TTLL11: variants seen among roughly 807,000 people sequenced by gnomAD.
TTLL11 encodes tubulin polyglutamylase TTLL11.
TTLL11 carries 42 observed loss-of-function variants against 51.7 expected under a neutral mutation model. The ratio of observed to expected loss-of-function variants is 0.81; its 90% CI spans 0.64 to 1.05. The LOEUF is 1.05. TTLL11 is among the 50% of genes least tolerant of loss of function. TTLL11 has a pLI of 0.00. For missense variants in TTLL11, 799 were observed against 940.4 expected (o/e 0.85, Z 1.97); for synonymous variants, 381 against 383.5 (o/e 0.99, Z 0.08).
chr9:121,863,799 C>G (rs145213227), intron 7 of TTLL11, among the ~76,000 whole-genome samples: 1 of 152,206 alleles, frequency 6.6e-6, no homozygotes, highest in Non-Finnish European at 1.5e-5. Context: ...TTCAATGAAG[C>G]GTATGCTGAG....
At position 121,816,862 on chromosome 9, in the gene TTLL11, A is replaced by T. The variant is rs1476998053; in HGVS notation, c.*5725T>A. On this transcript the variant is annotated 3_prime_UTR_variant, in exon 9 of 9. Transcript: ENST00000321582. ...TCTCCAGGAACAGAAAAAAATTTAG[A>T]CTTATTTTGTGAGGGAGAAATTCAT... 6.6e-6 allele frequency: 1 copy of T among 152,132 alleles called. No homozygotes were observed. Among genetic ancestry groups the T allele is most frequent in the Non-Finnish European group, 1.5e-5 (1 of 68,016 alleles). The allele number at this position is 152,132 out of a possible 1,614,324, so 9.4% of individuals were successfully genotyped here.
intron 7 of TTLL11, among the ~76,000 whole-genome samples, chr9:121,863,956 C>A (rs927262070): frequency 3.9e-5 from 6 of 152,180 alleles, no homozygotes; most frequent in Non-Finnish European, 7.3e-5. Flanking sequence ...ATCAAGAAAC[C>A]AGGTCTCAGG....
rs140880613 is a variant in TTLL11, at chr9:122,054,558, G to A, written c.463-15190C>T. ...AGATTAGATACGAATTTAGCACTAT[G>A]TTCTTTTTCCACTTTCCAATTCATG... On this transcript the variant is annotated intron_variant, in intron 1 of 8. Coordinates refer to ENST00000321582, the MANE Select transcript of TTLL11 (RefSeq NM_001139442.2). Among the ~76,000 whole-genome samples the A allele has an allele frequency of 1.5e-3, 222 of 152,234 alleles. 1 individual carries two copies. Among genetic ancestry groups the A allele is most frequent in the African/African-American group, 5.0e-3 (206 of 41,546 alleles).
intron 6 of TTLL11, among the ~76,000 whole-genome samples, chr9:121,898,447 G>A (rs957475369): frequency 5.3e-5 from 8 of 152,278 alleles, no homozygotes; most frequent in African/African-American, 1.7e-4. Context: ...AGAGGTGGCT[G>A]AAGTGGAACA....
In TTLL11 at chr9:122,057,924, C is replaced by T. The variant is rs140002433; in HGVS notation, c.463-18556G>A. Among the ~76,000 whole-genome samples the T allele has an allele frequency of 3.4e-3, 513 of 152,304 alleles. 7 individuals are homozygous for T. Among genetic ancestry groups the T allele is most frequent in the African/African-American group, 0.012 (491 of 41,566 alleles). On this transcript the variant is annotated intron_variant, in intron 1 of 8. Transcript: ENST00000321582. Reference sequence around the variant, plus strand: ...TTATGCATCAACTCAGTGTCAGGCACTGAGGGGTTCAGAAAAGAATAAGGC... The same window carrying T: ...TTATGCATCAACTCAGTGTCAGGCATTGAGGGGTTCAGAAAAGAATAAGGC...
At chr9:121,962,559 A>G (rs367682478) in intron 6 of TTLL11, among the ~76,000 whole-genome samples, 6 of 152,336 alleles carry the variant, frequency 3.9e-5, no homozygotes, top group African/African-American at 1.4e-4. Flanking sequence ...TGACATTGCC[A>G]TTCTTGTATT....
chr9:121,917,748 G>A (rs985290819), intron 6 of TTLL11, among the ~76,000 whole-genome samples: 11 of 151,724 alleles, frequency 7.3e-5, no homozygotes, highest in East Asian at 3.9e-4. Flanking sequence ...ACCCAGTGGC[G>A]CAAGCATAAA....
chr9:121,892,133 T>C (rs1248368170), intron 6 of TTLL11, among the ~76,000 whole-genome samples: 2 of 146,894 alleles, frequency 1.4e-5, no homozygotes, highest in Non-Finnish European at 3.0e-5. Context: ...CTTCTACCTT[T>C]ATATATATAC....
intron 1 of TTLL11, among the ~76,000 whole-genome samples, chr9:122,087,707 T>C (rs1319634450): frequency 6.6e-6 from 1 of 152,172 alleles, no homozygotes; most frequent in Non-Finnish European, 1.5e-5. Flanking sequence ...TATGGTGTCT[T>C]TCCTCTAAGG....
chr9:122,066,927 T>C (rs1845599724), intron 1 of TTLL11, among the ~76,000 whole-genome samples: 1 of 152,094 alleles, frequency 6.6e-6, no homozygotes. Flanking sequence ...GAAGAGACCC[T>C]TATAAAACCA....
intron 6 of TTLL11, among the ~76,000 whole-genome samples, chr9:121,949,971 GCATC>G (rs1475265885): frequency 6.6e-6 from 1 of 151,898 alleles, no homozygotes; most frequent in Non-Finnish European, 1.5e-5. Flanking sequence ...TGCTCTGTCC[GCATC>G]CATCCAGCCT....
At position 122,092,997 on chromosome 9, in the gene TTLL11, G is replaced by T; in HGVS notation, c.152C>A (p.Pro51Gln). The change falls in exon 1 of 9, where the codon CCG becomes CAG. Residue 51 changes from proline to glutamine, a missense_variant. Transcript: ENST00000321582. ...CTGCTCCTCCCCTGCCTTGCACTCC[G>T]GTTCCCCGGCCGCGCCCGCGTCCAC... ...VRVDAGAAGE[P>Q]ECKAGEEQPK... 1 of 1,549,318 alleles carries T rather than the reference G, an allele frequency of 6.5e-7. No homozygotes were observed. The highest frequency in any genetic ancestry group is 8.6e-7 in the Non-Finnish European group (1 of 1,157,108).
chr9:121,845,594 G>C (rs1367539045), intron 8 of TTLL11, among the ~76,000 whole-genome samples: 1 of 152,148 alleles, frequency 6.6e-6, no homozygotes, highest in Non-Finnish European at 1.5e-5. Context: ...ATAGCTTGGG[G>C]ATAAGTGAAA....
At chr9:121,969,111 C>A (rs1296763967) in intron 6 of TTLL11, among the ~76,000 whole-genome samples, 1 of 152,192 alleles carries the variant, frequency 6.6e-6, no homozygotes, top group Non-Finnish European at 1.5e-5. Context: ...CTCAAGTAAT[C>A]CGCCCACCTT....
At chr9:122,089,444 C>G (rs1846205648) in intron 1 of TTLL11, among the ~76,000 whole-genome samples, 1 of 152,034 alleles carries the variant, frequency 6.6e-6, no homozygotes, top group African/African-American at 2.4e-5. Context: ...TTTGTTAGTA[C>G]CAGGGATATA....
intron 6 of TTLL11, among the ~76,000 whole-genome samples, chr9:121,899,395 A>ATG (rs1839683221): frequency 2.4e-5 from 3 of 127,626 alleles, no homozygotes; most frequent in African/African-American, 8.2e-5. Context: ...ATATATATAT[A>ATG]TATATATACA....
At chr9:121,998,131 T>C (rs1843336668) in intron 3 of TTLL11, among the ~76,000 whole-genome samples, 1 of 152,140 alleles carries the variant, frequency 6.6e-6, no homozygotes, top group Non-Finnish European at 1.5e-5. Context: ...AATCTTCAGC[T>C]CACTTCCGAA....
intron 1 of TTLL11, among the ~76,000 whole-genome samples, chr9:122,056,134 T>A (rs1276619960): frequency 1.3e-5 from 2 of 152,150 alleles, no homozygotes; most frequent in African/African-American, 4.8e-5. Context: ...CAAAATAACG[T>A]ACCCAAGGGA....
At chr9:121,838,975 C>T (rs879495849) in intron 8 of TTLL11, among the ~76,000 whole-genome samples, 8 of 152,192 alleles carry the variant, frequency 5.3e-5, no homozygotes, top group Admixed American at 3.9e-4. Flanking sequence ...CGTCACCCTG[C>T]GGGCCTTCAT....
Sources: gnomAD v4.1 joint callset for allele counts (sites outside exome capture counted in the v4.1 genomes callset) on GRCh38, gnomAD v4.1.1 for gene constraint, MANE v1.5 for transcripts, NCBI Gene and HGNC (gene_info 2026-07-23, HGNC 2026-07-21) for gene names.